The following MEMO1 variants were observed in gnomAD, a reference collection of about 807,000 sequenced individuals.
MEMO1 encodes the protein mediator of cell motility 1.
A neutral mutation model predicts 45.2 loss-of-function variants in MEMO1; 6 were observed. The ratio of observed to expected loss-of-function variants is 0.13; its 90% CI spans 0.07 to 0.26. The LOEUF is 0.26. Among genes scored for constraint, MEMO1 ranks in the 10% least tolerant of loss-of-function variants. The pLI is 1.00. For missense variants in MEMO1, 184 were observed against 370.5 expected (o/e 0.50, Z 4.13); for synonymous variants, 78 against 124.3 (o/e 0.63, Z 2.48).
intron 2 of MEMO1, among the ~76,000 whole-genome samples, chr2:31,994,171 G>C (rs1356748453): frequency 6.7e-6 from 1 of 149,244 alleles, no homozygotes; most frequent in Non-Finnish European, 1.5e-5. Flanking sequence ...ATGTTGGCCA[G>C]GCTGGTCTCG....
chr2:31,904,269 C>T (rs1389836524), intron 6 of MEMO1, among the ~76,000 whole-genome samples: 1 of 152,212 alleles, frequency 6.6e-6, no homozygotes, highest in Non-Finnish European at 1.5e-5. Context: ...GTTTTACCCA[C>T]TTGGGACACT....
chr2:31,902,643 C>T (rs1311498624), intron 6 of MEMO1, among the ~76,000 whole-genome samples: 1 of 152,154 alleles, frequency 6.6e-6, no homozygotes, highest in Non-Finnish European at 1.5e-5. Context: ...TCTTTTAGCC[C>T]TTCTTTTTTT....
At chr2:32,007,998 A>G (rs1420705862) in intron 2 of MEMO1, among the ~76,000 whole-genome samples, 3 of 152,220 alleles carry the variant, frequency 2.0e-5, no homozygotes, top group Non-Finnish European at 4.4e-5. Context: ...CTCTGTGACA[A>G]TGCACATTAC....
chr2:31,899,091 G>C (rs1318708749), intron 6 of MEMO1, among the ~76,000 whole-genome samples: 1 of 152,172 alleles, frequency 6.6e-6, no homozygotes, highest in Non-Finnish European at 1.5e-5. Context: ...AATTAATATA[G>C]TGAAAACAGC....
intron 2 of MEMO1, among the ~76,000 whole-genome samples, chr2:32,008,141 C>T (rs1481115718): frequency 6.6e-6 from 1 of 152,184 alleles, no homozygotes; most frequent in Non-Finnish European, 1.5e-5. Context: ...GCTGGATTAA[C>T]GAATTCATCT....
rs1443553077 is a variant in MEMO1, at chr2:32,002,190, C to T, written c.61+7997G>A. Among the ~76,000 whole-genome samples the T allele has an allele frequency of 2.0e-3, 242 of 118,632 alleles. 1 individual carries two copies. Among genetic ancestry groups the T allele is most frequent in the African/African-American group, 6.4e-3 (190 of 29,784 alleles). 77.8% of individuals were successfully genotyped at this position (118,632 alleles called of 152,430 possible). A position where few individuals can be genotyped will look rare whatever the true frequency, so the allele number is the denominator to read the frequency against. On this transcript the variant is annotated intron_variant, in intron 2 of 9. Transcript: ENST00000404530. The stretch of plus-strand genomic sequence containing the variant: ...AAAAATATATATATATATATATACA[C>T]ACACACACACACATGTATATACGTA...
rs70964741 is a variant in MEMO1, at chr2:31,925,475, CAAAAAAAA to C, written c.213-4573_213-4566del. ...TGGGGGACAGAGCAAGACTCCGTCT[CAAAAAAAA>C]AAAAAAAAAAAAAAAATCTGTTCCC... On this transcript the variant is annotated intron_variant, in intron 4 of 9. Coordinates refer to ENST00000404530, the MANE Select transcript of MEMO1 (RefSeq NM_001301833.4). Among the ~76,000 whole-genome samples, 27 of 79,236 alleles carry C rather than the reference CAAAAAAAA, an allele frequency of 3.4e-4. 1 individual carries two copies. Among genetic ancestry groups the C allele is most frequent in the African/African-American group, 3.5e-4 (5 of 14,290 alleles). 52.0% of individuals were successfully genotyped at this position (79,236 alleles called of 152,430 possible).
chr2:31,992,995 A>G (rs1226586827), intron 2 of MEMO1, among the ~76,000 whole-genome samples: 1 of 152,188 alleles, frequency 6.6e-6, no homozygotes, highest in African/African-American at 2.4e-5. Flanking sequence ...AATGCTTCCA[A>G]CTAATGTCAC....
chr2:31,899,058 A>G (rs1678344427), intron 6 of MEMO1, among the ~76,000 whole-genome samples: 1 of 152,236 alleles, frequency 6.6e-6, no homozygotes, highest in Non-Finnish European at 1.5e-5. Flanking sequence ...ATGGAAAAAC[A>G]TCCCACGCTC....
chr2:31,937,115 T>C (rs1665007012), intron 3 of MEMO1, among the ~76,000 whole-genome samples: 1 of 152,204 alleles, frequency 6.6e-6, no homozygotes, highest in South Asian at 2.1e-4. Context: ...CAATTTAATT[T>C]TGCTGTACCT....
intron 2 of MEMO1, among the ~76,000 whole-genome samples, chr2:31,989,154 C>A (rs1415865783): frequency 6.6e-6 from 1 of 151,160 alleles, no homozygotes. Context: ...TGCGGTGAGC[C>A]GAGCCAAAGG....
intron 2 of MEMO1, among the ~76,000 whole-genome samples, chr2:31,955,124 A>G (rs1469549407): frequency 6.6e-6 from 1 of 151,842 alleles, no homozygotes; most frequent in Non-Finnish European, 1.5e-5. Context: ...TGCCTGTAGT[A>G]CTACTCCAGG....
chr2:31,993,945 C>CTTTTTTTT (rs1558562652), intron 2 of MEMO1, among the ~76,000 whole-genome samples: 24 of 124,598 alleles, frequency 1.9e-4, no homozygotes, highest in African/African-American at 6.8e-4. Context: ...ATCATCAATA[C>CTTTTTTTT]TTTCTTTTTT....
chr2:31,963,347 C>T (rs1469751430), intron 2 of MEMO1: 33 of 1,271,396 alleles, frequency 2.6e-5, no homozygotes, highest in Non-Finnish European at 3.3e-5. Context: ...TGTAGACACA[C>T]ATACCCTACT....
At chr2:31,872,507 A>G (rs1375074447) in intron 8 of MEMO1, among the ~76,000 whole-genome samples, 1 of 152,202 alleles carries the variant, frequency 6.6e-6, no homozygotes. Flanking sequence ...TTATATACTG[A>G]TATGAATTTA....
At chr2:32,003,154 T>C (rs1673620384) in intron 2 of MEMO1, among the ~76,000 whole-genome samples, 1 of 152,188 alleles carries the variant, frequency 6.6e-6, no homozygotes, top group African/African-American at 2.4e-5. Flanking sequence ...GCAAACATTT[T>C]ATACTCCTAA....
intron 2 of MEMO1, among the ~76,000 whole-genome samples, chr2:31,966,459 G>A (rs1465120680): frequency 1.3e-5 from 2 of 152,138 alleles, no homozygotes; most frequent in African/African-American, 2.4e-5. Context: ...GGCCAGGCGC[G>A]GTGGCTCACG....
At chr2:31,931,990 T>C in intron 4 of MEMO1, 77 bp downstream of exon 4, 1 of 1,308,548 alleles carries the variant, frequency 7.6e-7, no homozygotes, top group Non-Finnish European at 1.1e-6. Context: ...ACAATAAGTA[T>C]AAAAAGCAAA....
intron 3 of MEMO1, among the ~76,000 whole-genome samples, chr2:31,942,713 A>C (rs1315755670): frequency 1.3e-5 from 2 of 151,876 alleles, no homozygotes; most frequent in African/African-American, 4.8e-5. Context: ...GTAGAGATGG[A>C]GTCTCACCAT....
Sources: allele counts gnomAD v4.1 joint callset (sites outside exome capture counted in the v4.1 genomes callset), GRCh38; gene constraint gnomAD v4.1.1; transcripts MANE v1.5; gene names NCBI Gene and HGNC (gene_info 2026-07-23, HGNC 2026-07-21).